Variants in SHCBP1L observed in about 807,000 individuals in gnomAD.
SHCBP1L encodes testicular spindle-associated protein SHCBP1L.
SHCBP1L carries 67 observed loss-of-function variants against 62.5 expected under a neutral mutation model. The observed-to-expected ratio is 1.07, with a 90% confidence interval of 0.88 to 1.31. The LOEUF is 1.31. Among genes scored for constraint, SHCBP1L ranks in the 40% most tolerant of loss-of-function variants. SHCBP1L has a pLI of 0.00. For missense variants in SHCBP1L, 823 were observed against 809.8 expected, an observed-to-expected ratio of 1.02 and a Z score of -0.20; for synonymous variants, 284 against 289.4, an observed-to-expected ratio of 0.98 and a Z score of 0.19.
chr1:182,952,247 C>T (rs1308948666), intron 1 of SHCBP1L, among the ~76,000 whole-genome samples: 1 of 112,544 alleles, frequency 8.9e-6, no homozygotes, highest in African/African-American at 3.4e-5. Flanking sequence ...CACACACACA[C>T]ACACACACAC....
At chr1:182,916,032 T>C (rs1650347536) in intron 6 of SHCBP1L, among the ~76,000 whole-genome samples, 1 of 152,086 alleles carries the variant, frequency 6.6e-6, no homozygotes, top group Non-Finnish European at 1.5e-5. Context: ...GGTCTCTATC[T>C]CCTGACCTTG....
At chr1:182,941,025 C>T (rs532538057) in intron 2 of SHCBP1L, among the ~76,000 whole-genome samples, 94 of 151,844 alleles carry the variant, frequency 6.2e-4, no homozygotes, top group African/African-American at 2.2e-3. Context: ...CTAATATTAT[C>T]GAAAAATTTT....
chr1:182,905,420 A>G (rs375971020), intron 7 of SHCBP1L, 76 bp downstream of exon 7: 10 of 1,381,840 alleles, frequency 7.2e-6, no homozygotes, highest in Middle Eastern at 1.9e-4. Context: ...CAATAATTCC[A>G]TTAAGCATGT....
chr1:182,921,358 C>T (rs143691982), intron 6 of SHCBP1L, among the ~76,000 whole-genome samples: 37 of 152,190 alleles, frequency 2.4e-4, no homozygotes, highest in African/African-American at 7.7e-4. Context: ...GAGTGCTAAA[C>T]GTGGAAATGA....
Position 182,953,125 on chromosome 1 carries a change from C to T in SHCBP1L, c.9G>A (p.Ser3=), listed in dbSNP as rs113643489. Residue 3 remains serine (S), a synonymous_variant, in exon 1 of 10, where the codon TCG becomes TCA. Coordinates refer to ENST00000367547, the MANE Select transcript of SHCBP1L (RefSeq NM_030933.4). MA[S]GSKASVPADS... ...CCGCGGGCACCGAGGCCTTGGAGCC[C>T]GACGCCATCTCCTCAGCAGCCCGAG... is the stretch of plus-strand genomic sequence containing the variant. The T allele has an allele frequency of 6.3e-7, 1 of 1,580,110 alleles. No homozygotes were observed. Among genetic ancestry groups the T allele is most frequent in the Non-Finnish European group, 8.5e-7 (1 of 1,171,446 alleles).
intron 6 of SHCBP1L, among the ~76,000 whole-genome samples, chr1:182,924,116 A>G (rs1057419784): frequency 1.3e-5 from 2 of 152,166 alleles, no homozygotes; most frequent in Non-Finnish European, 2.9e-5. Context: ...AACTAAATCA[A>G]GAACACAATC....
chr1:182,913,117 A>G (rs1357478593), intron 6 of SHCBP1L, among the ~76,000 whole-genome samples: 1 of 152,068 alleles, frequency 6.6e-6, no homozygotes, highest in African/African-American at 2.4e-5. Context: ...CCTGGGTGAC[A>G]TAGCAAGACT....
intron 9 of SHCBP1L, among the ~76,000 whole-genome samples, chr1:182,901,704 G>A (rs548883829): frequency 6.6e-6 from 1 of 152,286 alleles, no homozygotes; most frequent in East Asian, 1.9e-4. Context: ...TAATAGGTCT[G>A]GCGTGAGGCT....
rs1173920135 is a variant in SHCBP1L, at chr1:182,924,715, A to G, written c.1182+4932T>C. Among the ~76,000 whole-genome samples, 6 of 53,806 alleles carry G rather than the reference A, an allele frequency of 1.1e-4. No individual in the cohort carries two copies. The East Asian group carries it at 2.0e-3, about 18-fold the overall frequency. The allele number at this position is 53,806 out of a possible 152,430, so 35.3% of individuals were successfully genotyped here. A position where few individuals can be genotyped will look rare whatever the true frequency, so the allele number is the denominator to read the frequency against. On this transcript the variant is annotated intron_variant, in intron 6 of 9. Coordinates refer to ENST00000367547, the MANE Select transcript of SHCBP1L (RefSeq NM_030933.4). ...GGAAAGGAAAGGAAGAAAGAAAGAA[A>G]GAAAGAAAGAAAGAAAGAAAGAAAG...
chr1:182,901,286 C>T (rs1230083544), intron 9 of SHCBP1L, among the ~76,000 whole-genome samples: 3 of 152,006 alleles, frequency 2.0e-5, no homozygotes, highest in South Asian at 2.1e-4. Flanking sequence ...GGAGAAACCC[C>T]GTCTCTACTA....
intron 5 of SHCBP1L, among the ~76,000 whole-genome samples, chr1:182,930,703 G>GTGTGTGTGTGTA (rs1463256863): frequency 1.4e-4 from 2 of 14,282 alleles, no homozygotes; most frequent in African/African-American, 2.0e-4. Context: ...GTGTGTGTGT[G>GTGTGTGTGTGTA]TATATATATA....
chr1:182,937,676 C>T (rs536177237), intron 5 of SHCBP1L, among the ~76,000 whole-genome samples: 5 of 152,270 alleles, frequency 3.3e-5, no homozygotes, highest in African/African-American at 1.2e-4. Flanking sequence ...TTGAAACTGT[C>T]CCACAGTTCT....
intron 6 of SHCBP1L, among the ~76,000 whole-genome samples, chr1:182,922,746 C>T (rs1241487147): frequency 6.6e-6 from 1 of 152,036 alleles, no homozygotes; most frequent in African/African-American, 2.4e-5. Flanking sequence ...TGAGACACAG[C>T]TAAATTAGTG....
chr1:182,901,802 T>G (rs992412853), intron 9 of SHCBP1L, among the ~76,000 whole-genome samples: 5 of 152,124 alleles, frequency 3.3e-5, no homozygotes, highest in African/African-American at 1.2e-4. Context: ...ATATGATTCT[T>G]AAAGTGTGAG....
chr1:182,939,234 AT>A lies in SHCBP1L; in HGVS notation c.1017del (p.Lys339AsnfsTer5), dbSNP rs756742767. The A allele has an allele frequency of 2.7e-5, 44 of 1,613,782 alleles. No homozygotes were observed. Among genetic ancestry groups the A allele is most frequent in the Non-Finnish European group, 3.6e-5 (43 of 1,179,950 alleles). On this transcript the variant is annotated frameshift_variant, in exon 5 of 10. Coordinates refer to ENST00000367547, the MANE Select transcript of SHCBP1L (RefSeq NM_030933.4). LOFTEE classifies it high-confidence loss of function. ...CCACAGAGCATGACTATCTCATAGTATTTTTTCCAGCATTCAACAGCCTCTG... is the reference window on the plus strand; with the variant it reads ...CCACAGAGCATGACTATCTCATAGTATTTTTCCAGCATTCAACAGCCTCTG... ...SAAEAVECWK[K>X]YYEIVMLCGL...
intron 6 of SHCBP1L, among the ~76,000 whole-genome samples, chr1:182,914,760 G>A (rs1650299333): frequency 6.6e-6 from 1 of 152,120 alleles, no homozygotes; most frequent in South Asian, 2.1e-4. Context: ...GCCAATGACA[G>A]AAGTAAGTCC....
At chr1:182,902,051 CTTTT>C (rs889668641) in intron 9 of SHCBP1L, among the ~76,000 whole-genome samples, 1 of 142,284 alleles carries the variant, frequency 7.0e-6, no homozygotes, top group Non-Finnish European at 1.5e-5. Context: ...TTTTTTCTTT[CTTTT>C]TTTTTCTTTT....
chr1:182,943,212 G>A (rs1651429981), intron 2 of SHCBP1L, among the ~76,000 whole-genome samples: 1 of 151,566 alleles, frequency 6.6e-6, no homozygotes, highest in African/African-American at 2.4e-5. Flanking sequence ...GAACTCCTGG[G>A]CTCAAACAAT....
At chr1:182,952,667 A>C in intron 1 of SHCBP1L, 62 bp downstream of exon 1, 1 of 1,521,514 alleles carries the variant, frequency 6.6e-7, no homozygotes, top group Non-Finnish European at 8.8e-7. Context: ...GAAGCCCCAG[A>C]TGCCTGTCCC....
Sources: allele counts gnomAD v4.1 joint callset (sites outside exome capture counted in the v4.1 genomes callset), GRCh38; gene constraint gnomAD v4.1.1; transcripts MANE v1.5; gene names NCBI Gene and HGNC (gene_info 2026-07-23, HGNC 2026-07-21).